The following ZNF611 variants were observed in gnomAD, a reference collection of about 807,000 sequenced individuals.
ZNF611 encodes the protein zinc finger protein 611.
Under a neutral mutation model 8.9 loss-of-function variants are expected in ZNF611, and 6 were observed. That is an observed-to-expected ratio of 0.68 (90% CI 0.37 to 1.34). The LOEUF (loss-of-function observed/expected upper bound fraction) is 1.34. Among genes scored for constraint, ZNF611 ranks in the 40% most tolerant of loss-of-function variants. ZNF611 has a pLI of 0.02. For synonymous variants in ZNF611, 262 were observed against 279.7 expected (o/e 0.94, Z 0.63); for missense variants, 874 against 841.3 (o/e 1.04, Z -0.48).
intron 3 of ZNF611, among the ~76,000 whole-genome samples, chr19:52,728,225 G>A (rs916831597): frequency 2.0e-5 from 3 of 150,258 alleles, no homozygotes; most frequent in Admixed American, 6.6e-5. Flanking sequence ...CTGTCAAAGT[G>A]AGCTCCCAAG....
At chr19:52,708,133 C>A (rs538390672) in intron 5 of ZNF611, 1 of 152,308 alleles carries the variant, frequency 6.6e-6, no homozygotes, top group East Asian at 1.9e-4. Context: ...TACTCAACCA[C>A]CAGCACACAA....
intron 4 of ZNF611, among the ~76,000 whole-genome samples, chr19:52,715,432 C>A (rs878919032): frequency 6.6e-6 from 1 of 152,158 alleles, no homozygotes; most frequent in Admixed American, 6.6e-5. Context: ...AAATCTCTCT[C>A]CTTATTATTC....
rs1254330415 is a variant in ZNF611 at position 52,705,712 on chromosome 19, T to C, written c.1343A>G (p.His448Arg). 2.4e-5 allele frequency: 38 copies of C among 1,614,096 alleles called. No homozygotes were observed. The highest frequency in any genetic ancestry group is 3.1e-5 in the Non-Finnish European group (36 of 1,179,950). Residue 448 changes from histidine (H) to arginine (R), a missense_variant, in exon 6 of 6, where the codon CAT becomes CGT. His to Arg is a conservative substitution (Grantham distance 29). Transcript: ENST00000652185. ...ACATTTGTAAGATTTCTCTCCACCA[T>C]GAAGTCTATGATGGCATACAAGGGA... ...KSSLVCHHRL[H>R]GGEKSYKCKV...
intron 3 of ZNF611, among the ~76,000 whole-genome samples, chr19:52,719,088 G>A (rs112597523): frequency 0.021 from 3,168 of 152,124 alleles, 101 homozygotes; most frequent in African/African-American, 0.071. Flanking sequence ...AGCATTGCTT[G>A]AACCCGGGAG....
chr19:52,710,571 G>T (rs2062273007), intron 5 of ZNF611, among the ~76,000 whole-genome samples: 1 of 152,010 alleles, frequency 6.6e-6, no homozygotes, highest in African/African-American at 2.4e-5. Context: ...CATTATGTTT[G>T]CCCGACTGGT....
intron 3 of ZNF611, among the ~76,000 whole-genome samples, chr19:52,720,495 C>A (rs1284512759): frequency 6.8e-6 from 1 of 146,618 alleles, no homozygotes; most frequent in Admixed American, 6.8e-5. Flanking sequence ...CGGGCAGAGG[C>A]GCTCCTCACC....
intron 5 of ZNF611, among the ~76,000 whole-genome samples, chr19:52,711,605 ACTGAGCTGGGACACAAGCG>A (rs1374542106): frequency 2.6e-4 from 40 of 151,758 alleles, no homozygotes; most frequent in African/African-American, 9.3e-4. Context: ...GGATACAAGG[ACTGAGCTGGGACACAAGCG>A]CTGAGCTGCG....
intron 3 of ZNF611, 66 bp from the exon 4 acceptor site, chr19:52,715,979 C>T: frequency 6.3e-7 from 1 of 1,578,106 alleles, no homozygotes; most frequent in Admixed American, 1.7e-5. Flanking sequence ...GACAAAAACA[C>T]ACGAACGGGG....
chr19:52,730,384 T>C, intron 1 of ZNF611, among the ~76,000 whole-genome samples: 1 of 91,078 alleles, frequency 1.1e-5, no homozygotes, highest in Non-Finnish European at 1.9e-5. Context: ...AGAGCCAGAC[T>C]CCGTCTCAAA....
intron 3 of ZNF611, among the ~76,000 whole-genome samples, chr19:52,727,907 C>CTTTTT (rs11319896): frequency 9.4e-6 from 1 of 105,880 alleles, no homozygotes; most frequent in Non-Finnish European, 1.9e-5. Flanking sequence ...TGTTGTGTGC[C>CTTTTT]TTTTTTTTTT....
chr19:52,733,705 G>A (rs940341202), intron 1 of ZNF611, among the ~76,000 whole-genome samples: 24 of 151,108 alleles, frequency 1.6e-4, no homozygotes, highest in African/African-American at 5.6e-4. Flanking sequence ...CTTTTTCCCT[G>A]GGATTCTGCT....
At chr19:52,719,657 A>G (rs1345375703) in intron 3 of ZNF611, among the ~76,000 whole-genome samples, 1 of 152,132 alleles carries the variant, frequency 6.6e-6, no homozygotes, top group East Asian at 1.9e-4. Context: ...CCATCATTCT[A>G]TACATAGCTC....
Position 52,705,764 on chromosome 19 carries a change from A to G in ZNF611, c.1291T>C (p.Cys431Arg). The change falls in exon 6 of 6, where the codon TGT becomes CGT. Residue 431 changes from cysteine to arginine, a missense_variant. Transcript: ENST00000652185. ...GACTTGTGACTGAAGGTCTTGCCAC[A>G]CTCATTACATTTATAAGTTTTCTTT... Reference protein sequence around the residue: ...TAKKTYKCNECGKTFSHKSSL... With the variant: ...TAKKTYKCNERGKTFSHKSSL... The G allele has an allele frequency of 1.2e-6, 2 of 1,613,990 alleles. No homozygotes were observed. The highest frequency in any genetic ancestry group is 1.7e-6 in the Non-Finnish European group (2 of 1,179,976).
At chr19:52,725,353 G>A (rs1280994895) in intron 3 of ZNF611, among the ~76,000 whole-genome samples, 3 of 152,210 alleles carry the variant, frequency 2.0e-5, no homozygotes, top group Non-Finnish European at 2.9e-5. Flanking sequence ...CCCAGGACTG[G>A]GGCCCCGGCG....
chr19:52,728,064 A>G (rs539262992), intron 3 of ZNF611, among the ~76,000 whole-genome samples: 2 of 151,960 alleles, frequency 1.3e-5, no homozygotes, highest in South Asian at 2.1e-4. Flanking sequence ...GTGCCACCAC[A>G]CCCGGCTAAT....
chr19:52,729,824 G>A (rs890691411), intron 2 of ZNF611, 82 bp downstream of exon 2: 2 of 152,122 alleles, frequency 1.3e-5, no homozygotes, highest in Admixed American at 6.6e-5. Context: ...TATAAGAATT[G>A]AAATACGTGT....
At position 52,702,926 on chromosome 19, in the gene ZNF611, T is replaced by C. The variant is rs117910595; in HGVS notation, c.*2011A>G. 6.6e-6 allele frequency: 1 copy of C among 152,134 alleles called. No individual in the cohort carries two copies. The highest frequency in any genetic ancestry group is 1.5e-5 in the Non-Finnish European group (1 of 68,016). 9.4% of individuals were successfully genotyped at this position (152,134 alleles called of 1,614,324 possible). ...AAGGTTTTCAATAAATAACAAAGAC[T>C]AGAAAGCATGCAGACATTGATATGA... On this transcript the variant is annotated 3_prime_UTR_variant, in exon 6 of 6. Coordinates refer to ENST00000652185, the MANE Select transcript of ZNF611 (RefSeq NM_001161499.2).
intron 5 of ZNF611, among the ~76,000 whole-genome samples, chr19:52,710,936 G>C (rs1024869882): frequency 2.9e-5 from 4 of 137,874 alleles, no homozygotes; most frequent in Non-Finnish European, 6.3e-5. Flanking sequence ...TATGTCCTGA[G>C]GCAGGACAAT....
intron 3 of ZNF611, among the ~76,000 whole-genome samples, chr19:52,727,736 G>C (rs1368223212): frequency 6.6e-6 from 1 of 152,028 alleles, no homozygotes; most frequent in Non-Finnish European, 1.5e-5. Flanking sequence ...GGTCAGCCAG[G>C]AAAAACTCTT....
Sources: gnomAD v4.1 joint callset for allele counts (sites outside exome capture counted in the v4.1 genomes callset) on GRCh38, gnomAD v4.1.1 for gene constraint, MANE v1.5 for transcripts, NCBI Gene and HGNC (gene_info 2026-07-23, HGNC 2026-07-21) for gene names.